Variants in ITGA1 observed in about 807,000 individuals in gnomAD.
ITGA1 encodes integrin alpha-1.
A neutral mutation model predicts 145.9 loss-of-function variants in ITGA1; 85 were observed. The ratio of observed to expected loss-of-function variants is 0.58; its 90% CI spans 0.49 to 0.70. ITGA1 has a LOEUF of 0.70. ITGA1 is among the 30% of genes least tolerant of loss of function. The pLI is 0.00. For missense variants in ITGA1, 1,351 were observed against 1,418.7 expected (o/e 0.95, Z 0.77); for synonymous variants, 520 against 495.3 (o/e 1.05, Z -0.66).
At chr5:52,831,507 C>T (rs561760500) in intron 1 of ITGA1, among the ~76,000 whole-genome samples, 5 of 148,292 alleles carry the variant, frequency 3.4e-5, no homozygotes, top group Non-Finnish European at 7.4e-5. Flanking sequence ...ATAGCATAGA[C>T]CTCTTTATTG....
At chr5:52,839,114 TACA>T (rs965513835) in intron 1 of ITGA1, among the ~76,000 whole-genome samples, 6 of 151,824 alleles carry the variant, frequency 4.0e-5, no homozygotes, top group African/African-American at 1.2e-4. Context: ...AAACAACAAC[TACA>T]ACAACAACAA....
At chr5:52,898,684 G>A (rs1750269242) in intron 11 of ITGA1, among the ~76,000 whole-genome samples, 1 of 152,098 alleles carries the variant, frequency 6.6e-6, no homozygotes, top group Admixed American at 6.6e-5. Flanking sequence ...TTAACTTCAA[G>A]GAGAACTTTG....
intron 14 of ITGA1, among the ~76,000 whole-genome samples, chr5:52,912,752 A>T (rs1021676586): frequency 7.0e-5 from 10 of 142,580 alleles, no homozygotes; most frequent in African/African-American, 2.5e-4. Flanking sequence ...ATATATATAT[A>T]TATTTTTTTT....
At chr5:52,912,000 C>CTACTATATATACTATATA (rs1750556954) in intron 14 of ITGA1, among the ~76,000 whole-genome samples, 2 of 74,274 alleles carry the variant, frequency 2.7e-5, no homozygotes, top group Non-Finnish European at 5.2e-5. Flanking sequence ...TAGTGTGTAT[C>CTACTATATATACTATATA]TACTATATAT....
chr5:52,815,205 G>C (rs1235164772), intron 1 of ITGA1, among the ~76,000 whole-genome samples: 2 of 151,976 alleles, frequency 1.3e-5, no homozygotes, highest in Admixed American at 6.6e-5. Flanking sequence ...ATCCACCACG[G>C]TTTTTACTCT....
At chr5:52,800,716 C>T (rs374003501) in intron 1 of ITGA1, 5 of 1,614,070 alleles carry the variant, frequency 3.1e-6, no homozygotes, top group Non-Finnish European at 4.2e-6. Flanking sequence ...GGAGCCCAAC[C>T]GCCAGTTCAC....
At position 52,882,039 on chromosome 5, in the gene ITGA1, TAAAC is replaced by T. The variant is rs978186719; in HGVS notation, c.773+19_773+22del. 1.3e-6 allele frequency: 2 copies of T among 1,534,734 alleles called. No individual in the cohort carries two copies. Among genetic ancestry groups the T allele is most frequent in the African/African-American group, 2.8e-5 (2 of 72,192 alleles). On this transcript the variant is annotated intron_variant, in intron 7 of 28. Coordinates refer to ENST00000282588, the MANE Select transcript of ITGA1 (RefSeq NM_181501.2). ...ACAGCAAGGTATATGGATAAAAAAA[TAAAC>T]TAAAGTAAAAGACTGCAAAAATAAC...
At chr5:52,813,227 A>G (rs949079469) in intron 1 of ITGA1, among the ~76,000 whole-genome samples, 3 of 152,200 alleles carry the variant, frequency 2.0e-5, no homozygotes, top group African/African-American at 4.8e-5. Context: ...AACTGGTTCT[A>G]TAGCAGCCAT....
Position 52,920,208 on chromosome 5 carries a change from C to A in ITGA1, c.2156-124C>A, listed in dbSNP as rs114408579. On this transcript the variant is annotated intron_variant, in intron 16 of 28. Transcript: ENST00000282588. The stretch of plus-strand genomic sequence containing the variant: ...GTTATAACAGTGTGGATATGCTGAA[C>A]AATAGAATCTTTTTTGATTGATTGC... The A allele has an allele frequency of 5.5e-3, 3,920 of 712,096 alleles. 78 individuals carry two copies. Among genetic ancestry groups the A allele is most frequent in the African/African-American group, 0.034 (1,892 of 54,966 alleles). The allele number at this position is 712,096 out of a possible 1,614,324, so 44.1% of individuals were successfully genotyped here.
intron 13 of ITGA1, 86 bp from the exon 14 acceptor site, chr5:52,910,074 AAT>A: frequency 1.6e-6 from 2 of 1,257,998 alleles, no homozygotes; most frequent in Non-Finnish European, 2.2e-6. Flanking sequence ...AATGGCTGTT[AAT>A]AGCACTGATT....
chr5:52,899,085 A>G (rs753705229), intron 11 of ITGA1, among the ~76,000 whole-genome samples: 3 of 152,210 alleles, frequency 2.0e-5, no homozygotes, highest in African/African-American at 4.8e-5. Flanking sequence ...GACCATCAGG[A>G]TATGGCTTCC....
intron 28 of ITGA1, among the ~76,000 whole-genome samples, chr5:52,951,739 T>C (rs575080657): frequency 6.6e-6 from 1 of 152,242 alleles, no homozygotes; most frequent in South Asian, 2.1e-4. Flanking sequence ...GAAATTTCTC[T>C]GCCACATCCC....
chr5:52,808,888 T>C (rs1221412644), intron 1 of ITGA1, among the ~76,000 whole-genome samples: 1 of 152,030 alleles, frequency 6.6e-6, no homozygotes, highest in Non-Finnish European at 1.5e-5. Context: ...TTTCACAGGG[T>C]CCACATTCCT....
intron 1 of ITGA1, among the ~76,000 whole-genome samples, chr5:52,819,423 C>T (rs1200412101): frequency 6.6e-6 from 1 of 152,024 alleles, no homozygotes; most frequent in Non-Finnish European, 1.5e-5. Context: ...TTTCATGTGT[C>T]TTTTGGCTGC....
intron 1 of ITGA1, among the ~76,000 whole-genome samples, chr5:52,828,640 A>T (rs753293480): frequency 6.6e-6 from 1 of 152,310 alleles, no homozygotes; most frequent in East Asian, 1.9e-4. Context: ...GTGCACTTAT[A>T]TATTTCTCAA....
intron 1 of ITGA1, among the ~76,000 whole-genome samples, chr5:52,828,893 T>C (rs1309398005): frequency 2.0e-5 from 3 of 152,184 alleles, no homozygotes; most frequent in African/African-American, 7.2e-5. Context: ...TCTTGACACT[T>C]GATACTAATC....
rs1749409793 is a variant in ITGA1 at position 52,850,290 on chromosome 5, G to C, written c.182+805G>C. ...GCTGGGATTACAGGCGTGAGCCATA[G>C]CACCTGGCCGTAGATATGATTTTTA... On this transcript the variant is annotated intron_variant, in intron 2 of 28. Coordinates refer to ENST00000282588, the MANE Select transcript of ITGA1 (RefSeq NM_181501.2). Among the ~76,000 whole-genome samples the C allele has an allele frequency of 2.6e-5, 4 of 152,118 alleles. No individual in the cohort carries two copies. In the South Asian group the frequency reaches 8.3e-4, roughly 32 times the overall value.
At chr5:52,853,170 A>G (rs1749454930) in intron 2 of ITGA1, among the ~76,000 whole-genome samples, 1 of 152,216 alleles carries the variant, frequency 6.6e-6, no homozygotes, top group African/African-American at 2.4e-5. Flanking sequence ...AGAGCAACCA[A>G]AAAGATGTGG....
Position 52,787,990 on chromosome 5 carries a change from T to A in ITGA1, c.-364T>A. 4.4e-6 allele frequency: 1 copy of A among 227,882 alleles called. No homozygotes were observed. Among genetic ancestry groups the A allele is most frequent in the Non-Finnish European group, 8.5e-6 (1 of 117,214 alleles). 14.1% of individuals were successfully genotyped at this position (227,882 alleles called of 1,614,324 possible). On this transcript the variant is annotated 5_prime_UTR_variant, in exon 1 of 29. Coordinates refer to ENST00000282588, the MANE Select transcript of ITGA1 (RefSeq NM_181501.2). ...CCTCTCAATGAAAGGCAGATGTCCC[T>A]TTAAGGTTTGCTTCTACAGCCCGTG...
Sources: allele counts gnomAD v4.1 joint callset (sites outside exome capture counted in the v4.1 genomes callset), GRCh38; gene constraint gnomAD v4.1.1; transcripts MANE v1.5; gene names NCBI Gene and HGNC (gene_info 2026-07-23, HGNC 2026-07-21).